PLCH2: variants seen among roughly 807,000 people sequenced by gnomAD.
The protein encoded by PLCH2 is phospholipase C eta 2, also known as 1-phosphatidylinositol 4,5-bisphosphate phosphodiesterase eta-2.
In PLCH2, 98 loss-of-function variants were observed where a neutral mutation model predicts 134.7. The observed-to-expected ratio is 0.73, with a 90% CI of 0.62 to 0.86. The LOEUF is 0.86. PLCH2 is among the 40% of genes least tolerant of loss of function. PLCH2 has a pLI of 0.00. For synonymous variants in PLCH2, 974 were observed against 827.5 expected, an observed-to-expected ratio of 1.18 and a Z score of -3.04; for missense variants, 1,994 against 1,986.6, an observed-to-expected ratio of 1.00 and a Z score of -0.07.
chr1:2,497,572 C>T lies in PLCH2; in HGVS notation c.2187C>T (p.Gly729=). 1 of 1,563,564 alleles carries T rather than the reference C, an allele frequency of 6.4e-7. No homozygotes were observed. Among genetic ancestry groups the T allele is most frequent in the Non-Finnish European group, 8.7e-7 (1 of 1,154,580 alleles). Residue 729 remains glycine (G), a synonymous_variant, in exon 16 of 22, where the codon GGC becomes GGT. Coordinates refer to ENST00000378486, the MANE Select transcript of PLCH2 (RefSeq NM_014638.4). The part of the protein sequence containing the change: ...LNRAKFSANG[G]CGYVLKPGCM... ...GAGCCAAGTTCAGCGCCAACGGTGG[C>T]TGCGGCTACGTACTCAAGCCTGGGT... is the stretch of plus-strand genomic sequence containing the variant.
At position 2,502,286 on chromosome 1, in the gene PLCH2, G is replaced by C; in HGVS notation, c.2836G>C (p.Glu946Gln). 4 of 1,538,674 alleles carry C rather than the reference G, an allele frequency of 2.6e-6. No homozygotes were observed. The highest frequency in any genetic ancestry group is 3.5e-6 in the Non-Finnish European group (4 of 1,143,306). The change falls in exon 21 of 22, where the codon GAG becomes CAG. Residue 946 changes from glutamate to glutamine, a missense_variant. Physicochemically the swap from Glu to Gln is conservative, Grantham distance 29 (BLOSUM62 2). Coordinates refer to ENST00000378486, the MANE Select transcript of PLCH2 (RefSeq NM_014638.4). ...GAAGCCGGGCCGCAGGGGCTTCCCG[G>C]AGCTGGTCCTGGGTACACGGGACAC... ...SQKPGRRGFP[E>Q]LVLGTRDTGS...
chr1:2,496,374 A>C (rs958586903), intron 13 of PLCH2, among the ~76,000 whole-genome samples: 6 of 152,020 alleles, frequency 3.9e-5, no homozygotes, highest in Non-Finnish European at 7.4e-5. Flanking sequence ...GTCATCCTCC[A>C]CTGCACACAG....
At chr1:2,419,672 T>C in the PLCH2 span, among the ~76,000 whole-genome samples, 1 of 152,082 alleles carries the variant, frequency 6.6e-6, no homozygotes, top group Non-Finnish European at 1.5e-5. Flanking sequence ...TCCCCGTGCC[T>C]GACCCTGGCA....
intron 2 of PLCH2, among the ~76,000 whole-genome samples, chr1:2,452,734 G>A (rs78282920): frequency 0.17 from 25,236 of 152,200 alleles, 2,635 homozygotes; most frequent in East Asian, 0.3. Context: ...CCCTTCTGGG[G>A]CGCCTGGCCA....
chr1:2,479,810 C>A lies in PLCH2; in HGVS notation c.348C>A (p.Phe116Leu). 6.3e-7 allele frequency: 1 copy of A among 1,596,862 alleles called. No individual in the cohort carries two copies. The highest frequency in any genetic ancestry group is 8.5e-7 in the Non-Finnish European group (1 of 1,172,670). Reference protein sequence around the residue: ...EVFQRYPDGSFDPNCCFSIYH... With the variant: ...EVFQRYPDGSLDPNCCFSIYH... ...TCCAGCGCTACCCTGACGGCAGCTT[C>A]GACCCCAACTGCTGCTTCAGCATCT... The change falls in exon 3 of 22, where the codon TTC becomes TTA. Residue 116 changes from phenylalanine (F) to leucine (L), a missense_variant. Phe to Leu is a conservative substitution (Grantham distance 22, BLOSUM62 0). Around this residue, in one of 2 missense-constraint regions of PLCH2, gnomAD observed 1,094 missense variants for 1,234.3 expected, o/e 0.89. Coordinates refer to ENST00000378486, the MANE Select transcript of PLCH2 (RefSeq NM_014638.4).
At chr1:2,474,580 G>C (rs1641514802), upstream of PLCH2, among the ~76,000 whole-genome samples, 2 of 152,178 alleles carry the variant, frequency 1.3e-5, no homozygotes, top group Admixed American at 6.5e-5. Flanking sequence ...CCTAACCCCA[G>C]CTGATGGGGG....
intron 1 of PLCH2, chr1:2,430,266 CT>C: frequency 6.5e-6 from 1 of 152,686 alleles, no homozygotes; most frequent in Non-Finnish European, 1.5e-5. Context: ...ACTGTGCTCC[CT>C]CCCCCGAGTT....
Position 2,505,034 on chromosome 1 carries a change from G to A in PLCH2, c.4072G>A (p.Glu1358Lys), listed in dbSNP as rs542478286. ...TGCCAGCCGGGCCCGCCAGGCCCAG[G>A]AGCGGCAGCAGAGACTGCAGGGCCT... ...AIASRARQAQ[E>K]RQQRLQGLGR... The change falls in exon 22 of 22, where the codon GAG (glutamate) becomes AAG (lysine). Residue 1358 changes from glutamate to lysine, a missense_variant. Coordinates refer to ENST00000378486, the MANE Select transcript of PLCH2 (RefSeq NM_014638.4). The A allele has an allele frequency of 4.9e-5, 76 of 1,544,196 alleles. No individual in the cohort carries two copies. In the African/African-American group the frequency reaches 7.9e-4, roughly 16 times the overall value.
chr1:2,502,677 C>A, intron 21 of PLCH2: 3 of 700,812 alleles, frequency 4.3e-6, no homozygotes, highest in Middle Eastern at 2.4e-4. Context: ...CACGCTATCC[C>A]GGGGAGAAGC....
In PLCH2 at chr1:2,502,401, G is replaced by A. The variant is rs1558037489; in HGVS notation, c.2951G>A (p.Ser984Asn). ...APAQEGPGSGSPRDTRPLSTQ... is the reference protein window; with the variant it reads ...APAQEGPGSGNPRDTRPLSTQ... ...GCCCAGGAGGGGCCCGGCAGCGGCA[G>A]CCCCCGAGGTAAGGCGCCAGCTGCG... Residue 984 changes from serine to asparagine, a missense_variant, in exon 21 of 22, where the codon AGC becomes AAC. By Grantham distance (46) the Ser-to-Asn change is conservative (BLOSUM62 1). This residue lies in a region of PLCH2 where 900 missense variants were observed against 752.3 expected (regional missense o/e 1.20). Coordinates refer to ENST00000378486, the MANE Select transcript of PLCH2 (RefSeq NM_014638.4). The A allele has an allele frequency of 6.5e-7, 1 of 1,543,692 alleles. No homozygotes were observed. Among genetic ancestry groups the A allele is most frequent in the African/African-American group, 1.4e-5 (1 of 72,960 alleles).
chr1:2,472,287 C>A (rs957517400), upstream of PLCH2, among the ~76,000 whole-genome samples: 1 of 152,218 alleles, frequency 6.6e-6, no homozygotes, highest in African/African-American at 2.4e-5. Flanking sequence ...CGGCGCCAGT[C>A]CAGGGGCCCG....
intron 2 of PLCH2, among the ~76,000 whole-genome samples, chr1:2,441,332 C>A (rs989797415): frequency 6.6e-6 from 1 of 152,222 alleles, no homozygotes; most frequent in Non-Finnish European, 1.5e-5. Flanking sequence ...GCGTCGCATC[C>A]GGCCTGGGTT....
intron 2 of PLCH2, among the ~76,000 whole-genome samples, chr1:2,461,008 C>A (rs561174015): frequency 2.6e-5 from 4 of 152,140 alleles, no homozygotes; most frequent in African/African-American, 4.8e-5. Context: ...TCTCTGGGGC[C>A]GGATCTCACA....
intron 18 of PLCH2, 53 bp from the exon 19 acceptor site, chr1:2,499,031 G>A: frequency 1.3e-6 from 2 of 1,573,956 alleles, no homozygotes; most frequent in South Asian, 2.3e-5. Context: ...GGCTGGAGCG[G>A]TGCTGGGCCG....
At position 2,498,376 on chromosome 1, in the gene PLCH2, C is replaced by G; in HGVS notation, c.2225-147C>G. 1.2e-6 allele frequency: 1 copy of G among 864,568 alleles called. No homozygotes were observed. The highest frequency in any genetic ancestry group is 1.8e-6 in the Non-Finnish European group (1 of 569,792). The allele number at this position is 864,568 out of a possible 1,614,324, so 53.6% of individuals were successfully genotyped here. Reference sequence around the variant, plus strand: ...GCCAGGTGCACCCCGAGGTGCCCCCCTGGACCACTGCCTCCCTCCCTCCCC... The same window carrying G: ...GCCAGGTGCACCCCGAGGTGCCCCCGTGGACCACTGCCTCCCTCCCTCCCC... On this transcript the variant is annotated intron_variant, in intron 16 of 21. Transcript: ENST00000378486. This position sits in a 1 kb window ranked among gnomAD's most constrained non-coding sequence, Gnocchi z 5.4.
chr1:2,418,120 G>A, the PLCH2 span, among the ~76,000 whole-genome samples: 1 of 152,228 alleles, frequency 6.6e-6, no homozygotes, highest in Non-Finnish European at 1.5e-5. Context: ...TGACCGGTGC[G>A]AGGCAGACAC....
At chr1:2,503,541 GC>G in intron 21 of PLCH2, 1 of 679,602 alleles carries the variant, frequency 1.5e-6, no homozygotes. Flanking sequence ...CACGGAGCCC[GC>G]CCCACACCAC....
chr1:2,480,394 CCTG>C, intron 4 of PLCH2, 82 bp downstream of exon 4: 2 of 1,475,200 alleles, frequency 1.4e-6, no homozygotes, highest in Non-Finnish European at 1.9e-6. Flanking sequence ...GCCTGCCAGC[CCTG>C]ACTGAGCTGG....
At chr1:2,459,967 C>T (rs946708664) in intron 2 of PLCH2, among the ~76,000 whole-genome samples, 5 of 152,226 alleles carry the variant, frequency 3.3e-5, no homozygotes, top group African/African-American at 7.2e-5. Flanking sequence ...CCACTCTGTT[C>T]GCTCCCCTCT....
Sources: allele counts gnomAD v4.1 joint callset (sites outside exome capture counted in the v4.1 genomes callset), GRCh38; gene constraint gnomAD v4.1.1; regional missense constraint gnomAD v4.1.1; non-coding constraint Gnocchi (gnomAD v3.1); transcripts MANE v1.5; gene names NCBI Gene and HGNC (gene_info 2026-07-23, HGNC 2026-07-21).